RALGPS2: variants seen among roughly 807,000 people sequenced by gnomAD.
RALGPS2 encodes the protein ras-specific guanine nucleotide-releasing factor RalGPS2.
A neutral mutation model predicts 86.8 loss-of-function variants in RALGPS2; 43 were observed. The observed-to-expected ratio is 0.50, with a 90% confidence interval of 0.39 to 0.64. The LOEUF is 0.64. Ranked by LOEUF, RALGPS2 falls within the 30% of genes least tolerant of loss-of-function variation. The probability of loss-of-function intolerance (pLI) is 0.00; values close to 1 mark genes in which losing one functional copy is unlikely to be tolerated. For missense variants in RALGPS2, 536 were observed against 694.6 expected, an observed-to-expected ratio of 0.77 and a Z score of 2.57; for synonymous variants, 243 against 231.3, an observed-to-expected ratio of 1.05 and a Z score of -0.46.
intron 1 of RALGPS2, among the ~76,000 whole-genome samples, chr1:178,771,080 C>A (rs913863107): frequency 4.6e-5 from 7 of 151,944 alleles, no homozygotes; most frequent in African/African-American, 1.7e-4. Flanking sequence ...CTCAGGTGAT[C>A]CACCTGCCTC....
intron 8 of RALGPS2, among the ~76,000 whole-genome samples, chr1:178,856,194 GAGAGAGAGATATATATAT>G (rs1256913387): frequency 1.0e-5 from 1 of 99,198 alleles, no homozygotes; most frequent in Non-Finnish European, 1.8e-5. Context: ...CTTTTCCAGA[GAGAGAGAGATATATATAT>G]ATATATATAT....
intron 8 of RALGPS2, among the ~76,000 whole-genome samples, chr1:178,834,553 G>A (rs1656178292): frequency 6.6e-6 from 1 of 152,196 alleles, no homozygotes; most frequent in Non-Finnish European, 1.5e-5. Flanking sequence ...GGATTGCAGA[G>A]AATGGGGACC....
chr1:178,831,733 G>T (rs529442651), intron 7 of RALGPS2, among the ~76,000 whole-genome samples: 3 of 150,498 alleles, frequency 2.0e-5, no homozygotes, highest in African/African-American at 7.4e-5. Flanking sequence ...GAAAGAAAAG[G>T]CTTCTCAGTT....
At chr1:178,749,106 A>C (rs1651507090) in intron 1 of RALGPS2, among the ~76,000 whole-genome samples, 1 of 152,156 alleles carries the variant, frequency 6.6e-6, no homozygotes, top group South Asian at 2.1e-4. Context: ...CACACCACCA[A>C]CAACCCATTT....
At chr1:178,770,555 C>A (rs1652750349) in intron 1 of RALGPS2, among the ~76,000 whole-genome samples, 1 of 146,748 alleles carries the variant, frequency 6.8e-6, no homozygotes, top group Non-Finnish European at 1.5e-5. Flanking sequence ...CTCGCCCAGG[C>A]TGGAGTGCAG....
chr1:178,833,409 C>T lies in RALGPS2; in HGVS notation c.481-15C>T, dbSNP rs780980540. 5.4e-6 allele frequency: 8 copies of T among 1,489,756 alleles called. No individual in the cohort carries two copies. Among genetic ancestry groups the T allele is most frequent in the Non-Finnish European group, 7.1e-6 (8 of 1,131,646 alleles). 92.3% of individuals were successfully genotyped at this position (1,489,756 alleles called of 1,614,324 possible). Reference sequence around the variant, plus strand: ...AGATTTGTAAATAACTTAGGTTTTTCTGTTTGTTTTTTAGTTATTAAGTCG... The same window carrying T: ...AGATTTGTAAATAACTTAGGTTTTTTTGTTTGTTTTTTAGTTATTAAGTCG... On this transcript the variant is annotated splice_polypyrimidine_tract_variant and intron_variant, in intron 7 of 19. Coordinates refer to ENST00000367635, the MANE Select transcript of RALGPS2 (RefSeq NM_152663.5).
At chr1:178,851,755 T>C (rs1354730040) in intron 8 of RALGPS2, among the ~76,000 whole-genome samples, 1 of 152,092 alleles carries the variant, frequency 6.6e-6, no homozygotes, top group African/African-American at 2.4e-5. Context: ...ATAAGACATA[T>C]GTTATGGTCT....
intron 13 of RALGPS2, 21 bp from the exon 14 acceptor site, chr1:178,889,621 T>G (rs755658470): frequency 1.3e-6 from 2 of 1,555,350 alleles, no homozygotes; most frequent in South Asian, 2.3e-5. Context: ...GTTTAAAAAA[T>G]AGGATAACTT....
chr1:178,902,238 A>C, intron 18 of RALGPS2, 27 bp downstream of exon 18: 1 of 1,519,668 alleles, frequency 6.6e-7, no homozygotes, highest in Non-Finnish European at 9.1e-7. Context: ...ACTGGGGCTT[A>C]CGATACTGCG....
At chr1:178,801,265 T>C (rs1654458315) in intron 4 of RALGPS2, among the ~76,000 whole-genome samples, 1 of 152,106 alleles carries the variant, frequency 6.6e-6, no homozygotes, top group Admixed American at 6.6e-5. Flanking sequence ...GTCTCTTTTT[T>C]GTTCATTTGT....
intron 1 of RALGPS2, among the ~76,000 whole-genome samples, chr1:178,739,359 C>T (rs1485444683): frequency 6.6e-6 from 1 of 152,104 alleles, no homozygotes; most frequent in Non-Finnish European, 1.5e-5. Context: ...ATATGTGAAA[C>T]CACAGTAAAT....
Position 178,797,985 on chromosome 1 carries a change from TAA to T in RALGPS2, c.214-10041_214-10040del, listed in dbSNP as rs57049056. On this transcript the variant is annotated intron_variant, in intron 4 of 19. Transcript: ENST00000367635. ...TGTCTTGAAGATTTCCAACAATTTGTAAAAAAAAAAAAAAAAAAAACCACATA... is the reference window on the plus strand; with the variant it reads ...TGTCTTGAAGATTTCCAACAATTTGTAAAAAAAAAAAAAAAAAACCACATA... Among the ~76,000 whole-genome samples, 915 of 95,406 alleles carry T rather than the reference TAA, an allele frequency of 9.6e-3. 7 individuals are homozygous for T. Among genetic ancestry groups the T allele is most frequent in the African/African-American group, 0.031 (801 of 25,640 alleles). The allele number at this position is 95,406 out of a possible 152,430, so 62.6% of individuals were successfully genotyped here. A position where few individuals can be genotyped will look rare whatever the true frequency, so the allele number is the denominator to read the frequency against.
intron 4 of RALGPS2, among the ~76,000 whole-genome samples, chr1:178,804,639 G>T: frequency 1.3e-5 from 1 of 75,834 alleles, no homozygotes; most frequent in Non-Finnish European, 2.5e-5. Context: ...AGTATTCCAT[G>T]GTGTATATGT....
chr1:178,744,727 G>A (rs949090437), intron 1 of RALGPS2, among the ~76,000 whole-genome samples: 11 of 150,936 alleles, frequency 7.3e-5, no homozygotes, highest in Non-Finnish European at 1.5e-4. Context: ...TGAGGCAGGA[G>A]GATCACTTGA....
chr1:178,903,883 G>C (rs1660280650), intron 18 of RALGPS2, among the ~76,000 whole-genome samples: 1 of 152,134 alleles, frequency 6.6e-6, no homozygotes, highest in South Asian at 2.1e-4. Flanking sequence ...GGGATTGCTG[G>C]ATCAAATGGT....
At chr1:178,853,479 C>A in intron 8 of RALGPS2, 6 of 933,394 alleles carry the variant, frequency 6.4e-6, no homozygotes, top group South Asian at 4.9e-5. Flanking sequence ...AATGAAAAAA[C>A]ATATGGATAG....
intron 15 of RALGPS2, among the ~76,000 whole-genome samples, chr1:178,893,346 C>T (rs1659797785): frequency 6.6e-6 from 1 of 150,952 alleles, no homozygotes; most frequent in African/African-American, 2.4e-5. Flanking sequence ...CCATTGACAC[C>T]ATTTAAATGT....
At position 178,883,529 on chromosome 1, in the gene RALGPS2, A is replaced by G; in HGVS notation, c.900A>G (p.Leu300=). 1 of 1,608,988 alleles carries G rather than the reference A, an allele frequency of 6.2e-7. No homozygotes were observed. The highest frequency in any genetic ancestry group is 8.5e-7 in the Non-Finnish European group (1 of 1,175,380). The change falls in exon 11 of 20, where the codon TTA becomes TTG. Residue 300 remains leucine, a synonymous_variant. Transcript: ENST00000367635. ...TPRSAASRED[L]VGPEVGASPQ... is the part of the protein sequence containing the mutation. ...GTTCTGCTGCTTCCAGAGAAGATTT[A>G]GTAGGTCAGTACGTAGTTTTCTCTT...
In RALGPS2 at chr1:178,768,405, G is replaced by A. The variant is rs112932038; in HGVS notation, c.-83-8277G>A. Among the ~76,000 whole-genome samples, 751 of 152,238 alleles carry A rather than the reference G, an allele frequency of 4.9e-3. 7 individuals are homozygous for A. Among genetic ancestry groups the A allele is most frequent in the African/African-American group, 0.016 (682 of 41,530 alleles). On this transcript the variant is annotated intron_variant, in intron 1 of 19. Coordinates refer to ENST00000367635, the MANE Select transcript of RALGPS2 (RefSeq NM_152663.5). ...CTCCTTCCCTTTCCCCACTCCCTAG[G>A]GGGTGTGACTATAGAGAATGCTGGG... is the stretch of plus-strand genomic sequence containing the variant.
Sources: gnomAD v4.1 joint callset for allele counts (sites outside exome capture counted in the v4.1 genomes callset) on GRCh38, gnomAD v4.1.1 for gene constraint, MANE v1.5 for transcripts, NCBI Gene and HGNC (gene_info 2026-07-23, HGNC 2026-07-21) for gene names.